BCAS3: variants seen among roughly 807,000 people sequenced by gnomAD.
BCAS3 encodes BCAS4/BCAS3 fusion.
BCAS3 carries 53 observed loss-of-function variants against 116.1 expected under a neutral mutation model. The ratio of observed to expected loss-of-function variants is 0.46; its 90% CI spans 0.37 to 0.57. The LOEUF is 0.57. Among genes scored for constraint, BCAS3 ranks in the 20% least tolerant of loss-of-function variants. The pLI is 0.00. For missense variants in BCAS3, 917 were observed against 1,165.4 expected, an observed-to-expected ratio of 0.79 and a Z score of 3.10; for synonymous variants, 391 against 408.2, an observed-to-expected ratio of 0.96 and a Z score of 0.51.
intron 23 of BCAS3, among the ~76,000 whole-genome samples, chr17:61,375,853 A>G (rs1485400179): frequency 6.6e-6 from 1 of 152,144 alleles, no homozygotes; most frequent in African/African-American, 2.4e-5. Flanking sequence ...GATTACATGC[A>G]TGAGCCACCA....
chr17:60,977,980 A>G (rs1035335851), intron 14 of BCAS3, among the ~76,000 whole-genome samples: 27 of 142,792 alleles, frequency 1.9e-4, no homozygotes, highest in Admixed American at 1.3e-4. Flanking sequence ...ATGTGTCTTT[A>G]TAGCAGCATG....
intron 19 of BCAS3, among the ~76,000 whole-genome samples, chr17:61,053,502 A>G (rs1356799787): frequency 6.6e-6 from 1 of 152,190 alleles, no homozygotes; most frequent in Admixed American, 6.5e-5. Context: ...TACCGTGGAT[A>G]TTGTCAGTGC....
intron 22 of BCAS3, among the ~76,000 whole-genome samples, chr17:61,090,486 A>G (rs566515806): frequency 2.6e-5 from 4 of 152,360 alleles, no homozygotes; most frequent in Admixed American, 2.6e-4. Context: ...GAAATGAGTA[A>G]GTGTATACAT....
At chr17:61,135,898 A>G (rs1223064518) in intron 22 of BCAS3, 1 of 152,548 alleles carries the variant, frequency 6.6e-6, no homozygotes, top group Non-Finnish European at 1.5e-5. Context: ...TGTTTTCCAA[A>G]CAGAAGCTGT....
chr17:60,891,721 T>TG (rs1447157178), intron 10 of BCAS3: 5 of 455,784 alleles, frequency 1.1e-5, no homozygotes, highest in Non-Finnish European at 2.2e-5. Context: ...TGTGTAAGGG[T>TG]GGGGATTCAG....
Position 61,356,569 on chromosome 17 carries a change from G to A in BCAS3, c.2426-11758G>A, listed in dbSNP as rs1004883526. Among the ~76,000 whole-genome samples, 1 of 152,202 alleles carries A rather than the reference G, an allele frequency of 6.6e-6. No homozygotes were observed. The highest frequency in any genetic ancestry group is 2.4e-5 in the African/African-American group (1 of 41,460). On this transcript the variant is annotated intron_variant, in intron 22 of 23. Coordinates refer to ENST00000407086, the MANE Select transcript of BCAS3 (RefSeq NM_017679.5). This position sits in a 1 kb window ranked among gnomAD's most constrained non-coding sequence, Gnocchi z 5.4. Reference sequence around the variant, plus strand: ...TCACAGCCCTGCTCAATGACCTCATGATGTGTGAGGGCCTCAGCCATTTCT... The same window carrying A: ...TCACAGCCCTGCTCAATGACCTCATAATGTGTGAGGGCCTCAGCCATTTCT...
intron 19 of BCAS3, among the ~76,000 whole-genome samples, chr17:61,067,273 G>GTATGTATATATATA (rs1555696736): frequency 1.7e-5 from 1 of 58,796 alleles, no homozygotes; most frequent in African/African-American, 8.6e-5. Context: ...GTGTGTATGT[G>GTATGTATATATATA]TATATATATA....
chr17:61,024,536 A>G (rs572816618), intron 16 of BCAS3, among the ~76,000 whole-genome samples: 1 of 152,254 alleles, frequency 6.6e-6, no homozygotes, highest in South Asian at 2.1e-4. Context: ...ACAGGCCTGT[A>G]AACTACAGTG....
intron 22 of BCAS3, among the ~76,000 whole-genome samples, chr17:61,192,948 G>GA (rs1210172607): frequency 6.6e-6 from 1 of 152,184 alleles, no homozygotes; most frequent in East Asian, 1.9e-4. Context: ...GAGTAGCCCA[G>GA]AAAAAACTAT....
In BCAS3 at chr17:61,034,615, A is replaced by T. The variant is rs752040075; in HGVS notation, c.1638-51A>T. The T allele has an allele frequency of 2.7e-6, 4 of 1,506,940 alleles. No homozygotes were observed. The highest frequency in any genetic ancestry group is 2.7e-6 in the Non-Finnish European group (3 of 1,097,498). The allele number at this position is 1,506,940 out of a possible 1,614,324, so 93.3% of individuals were successfully genotyped here. A position where few individuals can be genotyped will look rare whatever the true frequency, so the allele number is the denominator to read the frequency against. ...AGGAAAAACTGTCATTACCTAAAGG[A>T]GTATCATTTCATCATGATAATTGTT... On this transcript the variant is annotated intron_variant, in intron 16 of 23. Transcript: ENST00000407086. The surrounding 1 kb of genome is among the most constrained non-coding windows in gnomAD (Gnocchi z 5.0).
intron 6 of BCAS3, among the ~76,000 whole-genome samples, chr17:60,785,098 C>G (rs1051596108): frequency 6.6e-6 from 1 of 150,788 alleles, no homozygotes; most frequent in African/African-American, 2.4e-5. Flanking sequence ...GACTCCGTCT[C>G]AAAAAAAAAG....
chr17:61,202,962 G>A (rs979407465), intron 22 of BCAS3, among the ~76,000 whole-genome samples: 5 of 152,128 alleles, frequency 3.3e-5, no homozygotes, highest in East Asian at 1.9e-4. Flanking sequence ...TAGTATCAGC[G>A]CAGTGATGAA....
At chr17:60,865,976 C>T (rs577551494) in intron 7 of BCAS3, among the ~76,000 whole-genome samples, 54 of 152,150 alleles carry the variant, frequency 3.5e-4, no homozygotes, top group African/African-American at 1.3e-3. Context: ...CCTAAAAATG[C>T]CATATCTGCA....
intron 6 of BCAS3, among the ~76,000 whole-genome samples, chr17:60,798,775 G>A (rs1219361475): frequency 6.6e-6 from 1 of 152,158 alleles, no homozygotes; most frequent in African/African-American, 2.4e-5. Flanking sequence ...CCTCCAATGG[G>A]GCTGTGCTCT....
chr17:61,375,676 G>A (rs914084200), intron 23 of BCAS3, among the ~76,000 whole-genome samples: 4 of 150,944 alleles, frequency 2.6e-5, no homozygotes, highest in Admixed American at 6.6e-5. Flanking sequence ...ATGTTCCAGC[G>A]ATTCTCCTGC....
intron 4 of BCAS3, among the ~76,000 whole-genome samples, chr17:60,707,153 C>T (rs1257827763): frequency 6.6e-6 from 1 of 151,936 alleles, no homozygotes; most frequent in Non-Finnish European, 1.5e-5. Context: ...ACCACCATGC[C>T]CGGCTAATTT....
chr17:61,006,596 A>T (rs764099814), intron 15 of BCAS3, among the ~76,000 whole-genome samples: 1 of 152,082 alleles, frequency 6.6e-6, no homozygotes, highest in African/African-American at 2.4e-5. Flanking sequence ...ATGAGGACTT[A>T]TACTTTGGGG....
intron 22 of BCAS3, among the ~76,000 whole-genome samples, chr17:61,201,151 G>A (rs1283581010): frequency 6.6e-6 from 1 of 152,174 alleles, no homozygotes; most frequent in Non-Finnish European, 1.5e-5. Flanking sequence ...AACAATGACA[G>A]GAATATTTCT....
intron 22 of BCAS3, among the ~76,000 whole-genome samples, chr17:61,290,730 G>GA (rs559395741): frequency 1.2e-4 from 18 of 151,272 alleles, no homozygotes; most frequent in Non-Finnish European, 2.5e-4. Context: ...TAAGAGCCCA[G>GA]AAAAAAAAGC....
Sources: allele counts gnomAD v4.1 joint callset (sites outside exome capture counted in the v4.1 genomes callset), GRCh38; gene constraint gnomAD v4.1.1; non-coding constraint Gnocchi (gnomAD v3.1); transcripts MANE v1.5; gene names NCBI Gene and HGNC (gene_info 2026-07-23, HGNC 2026-07-21).